ADAP1: variants seen among roughly 807,000 people sequenced by gnomAD.
ADAP1 encodes arf-GAP with dual PH domain-containing protein 1.
In ADAP1, 31 loss-of-function variants were observed where a neutral mutation model predicts 54.9. The observed-to-expected ratio is 0.56, with a 90% CI of 0.42 to 0.76. ADAP1 has a LOEUF of 0.76. Among genes scored for constraint, ADAP1 ranks in the 30% least tolerant of loss-of-function variants. The pLI is 0.00. For missense variants in ADAP1, 535 were observed against 512.4 expected, an observed-to-expected ratio of 1.04 and a Z score of -0.42; for synonymous variants, 313 against 202.6, an observed-to-expected ratio of 1.55 and a Z score of -4.63.
At chr7:906,578 AGGAGAAAGGAGAAAGGAGAAG>A (rs1845374924) in intron 4 of ADAP1, among the ~76,000 whole-genome samples, 1 of 35,950 alleles carries the variant, frequency 2.8e-5, no homozygotes, top group Non-Finnish European at 5.5e-5. Flanking sequence ...AGAAAGGGAA[AGGAGAAAGGAGAAAGGAGAAG>A]GGAGAAAGGG....
At chr7:955,309 G>T, upstream of ADAP1, 1 of 1,550,144 alleles carries the variant, frequency 6.5e-7, no homozygotes, top group Non-Finnish European at 8.7e-7. Flanking sequence ...CCAGACTCGC[G>T]TGCCCTTCCT....
intron 3 of ADAP1, among the ~76,000 whole-genome samples, chr7:921,086 C>G (rs1024450259): frequency 6.6e-6 from 1 of 152,184 alleles, no homozygotes; most frequent in Non-Finnish European, 1.5e-5. Flanking sequence ...CCGAAAGCAA[C>G]AGAAATGTAT....
At chr7:899,328 A>G in intron 9 of ADAP1, 67 bp from the exon 10 acceptor site, 1 of 1,605,750 alleles carries the variant, frequency 6.2e-7, no homozygotes, top group Non-Finnish European at 8.5e-7. Flanking sequence ...TCAGGCCAGG[A>G]CTCGGGAGGC....
Position 905,057 on chromosome 7 carries a change from C to T in ADAP1, c.501+3G>A. On this transcript the variant is annotated splice_donor_region_variant and intron_variant, in intron 5 of 10. Coordinates refer to ENST00000265846, the MANE Select transcript of ADAP1 (RefSeq NM_006869.4). ...CCCCACCCCACCCCCGTCTGTGACT[C>T]ACATCATTTCTGTTGAAATACTTCA... 6.2e-7 allele frequency: 1 copy of T among 1,609,866 alleles called. No homozygotes were observed. The highest frequency in any genetic ancestry group is 8.5e-7 in the Non-Finnish European group (1 of 1,179,688).
At position 920,082 on chromosome 7, in the gene ADAP1, C is replaced by G; in HGVS notation, c.306-32G>C. ...GGAGAGGAGAGACTGAGCCACTGGG[C>G]CAAGGCGGCCTCCGACCCAGCACAC... On this transcript the variant is annotated intron_variant, in intron 3 of 10. Coordinates refer to ENST00000265846, the MANE Select transcript of ADAP1 (RefSeq NM_006869.4). This position sits in a 1 kb window ranked among gnomAD's most constrained non-coding sequence, Gnocchi z 4.5. 1 of 1,594,082 alleles carries G rather than the reference C, an allele frequency of 6.3e-7. No individual in the cohort carries two copies. The highest frequency in any genetic ancestry group is 8.5e-7 in the Non-Finnish European group (1 of 1,173,722).
chr7:944,702 ATTTC>A (rs1489282476), intron 1 of ADAP1, among the ~76,000 whole-genome samples: 18 of 152,342 alleles, frequency 1.2e-4, no homozygotes, highest in African/African-American at 4.1e-4. Flanking sequence ...AGCGTGTATC[ATTTC>A]TTTGTGTTAC....
intron 1 of ADAP1, among the ~76,000 whole-genome samples, chr7:948,430 T>C (rs1171380863): frequency 3.9e-5 from 6 of 152,080 alleles, no homozygotes; most frequent in Non-Finnish European, 8.8e-5. Context: ...TCGTCCTCCA[T>C]GAGGAAAACA....
At chr7:912,424 C>T (rs1226357881) in intron 4 of ADAP1, among the ~76,000 whole-genome samples, 2 of 152,168 alleles carry the variant, frequency 1.3e-5, no homozygotes, top group Non-Finnish European at 2.9e-5. Flanking sequence ...AAGGATAAAC[C>T]CCCACATCTG....
intron 2 of ADAP1, chr7:927,161 G>A (rs896580953): frequency 7.7e-7 from 1 of 1,302,460 alleles, no homozygotes. Context: ...GACTCTGCAG[G>A]GACACACTGC....
At chr7:912,205 C>G (rs1473920974) in intron 4 of ADAP1, among the ~76,000 whole-genome samples, 1 of 152,196 alleles carries the variant, frequency 6.6e-6, no homozygotes, top group East Asian at 1.9e-4. Context: ...GAAGCTCCGA[C>G]AGGAGCACGG....
chr7:955,385 C>T (rs1454269163), upstream of ADAP1: 4 of 1,550,176 alleles, frequency 2.6e-6, no homozygotes, highest in Non-Finnish European at 2.6e-6. Context: ...GCAGTACACC[C>T]GGCTGAAAAC....
chr7:921,350 C>T (rs1471308697), intron 3 of ADAP1, among the ~76,000 whole-genome samples: 1 of 152,256 alleles, frequency 6.6e-6, no homozygotes, highest in Admixed American at 6.5e-5. Context: ...GAGACAGGGT[C>T]TCACTGTGTC....
intron 6 of ADAP1, among the ~76,000 whole-genome samples, chr7:903,764 G>A (rs752052223): frequency 2.6e-4 from 40 of 152,082 alleles, no homozygotes; most frequent in African/African-American, 7.5e-4. Context: ...AGTTCCCCCC[G>A]AGGTCCCCTC....
In ADAP1 at chr7:935,295, C is replaced by T. The variant is rs546336293; in HGVS notation, c.213+80G>A. 3.8e-4 allele frequency: 578 copies of T among 1,510,868 alleles called. 10 individuals carry two copies. The South Asian group carries it at 6.8e-3, about 18-fold the overall frequency. 93.6% of individuals were successfully genotyped at this position (1,510,868 alleles called of 1,614,324 possible). On this transcript the variant is annotated intron_variant, in intron 2 of 10. Transcript: ENST00000265846. ...GGCTCCAGGGGCCACAGCCAGGCCGCCCGGCATCTCTGGCTCCAGAGGCCC... is the reference window on the plus strand; with the variant it reads ...GGCTCCAGGGGCCACAGCCAGGCCGTCCGGCATCTCTGGCTCCAGAGGCCC...
intron 4 of ADAP1, among the ~76,000 whole-genome samples, chr7:910,676 G>A (rs1004703344): frequency 6.6e-6 from 1 of 152,250 alleles, no homozygotes. Context: ...GGGCAGGGAA[G>A]CACGTGGCCC....
intron 2 of ADAP1, 196 bp downstream of exon 2, chr7:935,179 A>G (rs1162999776): frequency 1.3e-6 from 1 of 780,444 alleles, no homozygotes; most frequent in Non-Finnish European, 2.2e-6. Flanking sequence ...TGGACCCGGC[A>G]CGGGGTGGGT....
chr7:949,797 G>A (rs1006435734), intron 1 of ADAP1, among the ~76,000 whole-genome samples: 3 of 127,434 alleles, frequency 2.4e-5, no homozygotes, highest in Non-Finnish European at 4.9e-5. Flanking sequence ...CTCCACACCC[G>A]GCCACAGGGC....
At chr7:918,545 A>G (rs1237108707) in intron 4 of ADAP1, among the ~76,000 whole-genome samples, 4 of 152,074 alleles carry the variant, frequency 2.6e-5, no homozygotes, top group Admixed American at 2.6e-4. Context: ...TCTCTTACAC[A>G]AGGGCAGTGG....
chr7:942,808 G>C (rs1583184941), intron 1 of ADAP1, among the ~76,000 whole-genome samples: 1 of 6,790 alleles, frequency 1.5e-4, no homozygotes. Flanking sequence ...AAGGGAGAGA[G>C]GAGGAGGAAG....
Sources: gnomAD v4.1 joint callset for allele counts (sites outside exome capture counted in the v4.1 genomes callset) on GRCh38, gnomAD v4.1.1 for gene constraint, Gnocchi (gnomAD v3.1) non-coding constraint, MANE v1.5 for transcripts, NCBI Gene and HGNC (gene_info 2026-07-23, HGNC 2026-07-21) for gene names.